APLF: variants seen among roughly 807,000 people sequenced by gnomAD.
APLF encodes the protein aprataxin and PNK-like factor.
Under a neutral mutation model 55.6 loss-of-function variants are expected in APLF, and 61 were observed. The ratio of observed to expected loss-of-function variants is 1.10; its 90% confidence interval spans 0.89 to 1.36. The LOEUF is 1.36. Among genes scored for constraint, APLF ranks in the 40% most tolerant of loss-of-function variants. The pLI is 0.00. For missense variants in APLF, 611 were observed against 602.5 expected (o/e 1.01, Z -0.15); for synonymous variants, 207 against 214.8 (o/e 0.96, Z 0.32).
intron 6 of APLF, among the ~76,000 whole-genome samples, chr2:68,533,542 T>C (rs1670314065): frequency 6.6e-6 from 1 of 152,078 alleles, no homozygotes; most frequent in African/African-American, 2.4e-5. Flanking sequence ...TTGGCTGGGG[T>C]CAGCTGGGCA....
intron 8 of APLF, among the ~76,000 whole-genome samples, chr2:68,565,425 A>G (rs560936524): frequency 1.1e-4 from 16 of 151,850 alleles, no homozygotes; most frequent in Non-Finnish European, 1.6e-4. Flanking sequence ...TGTGCCCTGC[A>G]CTCTAGCCTG....
chr2:68,516,321 G>A (rs1669576869), intron 5 of APLF, among the ~76,000 whole-genome samples: 2 of 151,432 alleles, frequency 1.3e-5, no homozygotes, highest in Non-Finnish European at 3.0e-5. Context: ...GATCTCTCCT[G>A]GATCATCTCT....
chr2:68,568,765 AT>A (rs1185622185), intron 9 of APLF, among the ~76,000 whole-genome samples: 16 of 152,248 alleles, frequency 1.1e-4, no homozygotes, highest in Admixed American at 2.6e-4. Flanking sequence ...TTATTGAAGT[AT>A]TTTTTGAATG....
chr2:68,553,234 G>C (rs1235619321), intron 8 of APLF, among the ~76,000 whole-genome samples: 1 of 152,000 alleles, frequency 6.6e-6, no homozygotes, highest in Non-Finnish European at 1.5e-5. Flanking sequence ...AGTTTTCAAA[G>C]TACCTCTAGA....
chr2:68,559,434 C>T (rs1429832348), intron 8 of APLF, among the ~76,000 whole-genome samples: 1 of 152,116 alleles, frequency 6.6e-6, no homozygotes, highest in African/African-American at 2.4e-5. Flanking sequence ...TGTTTAAGTG[C>T]CTCCACTTTG....
At chr2:68,468,076 G>A (rs1233698432) in intron 1 of APLF, among the ~76,000 whole-genome samples, 1 of 152,172 alleles carries the variant, frequency 6.6e-6, no homozygotes, top group Non-Finnish European at 1.5e-5. Flanking sequence ...TAGTGCCTGG[G>A]GGCCAAATCC....
intron 1 of APLF, among the ~76,000 whole-genome samples, chr2:68,488,281 G>A (rs1676247760): frequency 6.6e-6 from 1 of 150,502 alleles, no homozygotes; most frequent in Admixed American, 6.6e-5. Flanking sequence ...ACTTTTGAAT[G>A]ATTACATGTA....
intron 8 of APLF, among the ~76,000 whole-genome samples, chr2:68,565,044 T>C (rs895751856): frequency 1.3e-5 from 2 of 152,024 alleles, no homozygotes; most frequent in Admixed American, 1.3e-4. Flanking sequence ...TCACATACAG[T>C]TAGTGGTTTT....
intron 2 of APLF, among the ~76,000 whole-genome samples, chr2:68,499,000 T>A (rs992029517): frequency 1.3e-5 from 2 of 151,336 alleles, no homozygotes; most frequent in African/African-American, 4.9e-5. Flanking sequence ...TAGCCTTTCC[T>A]CAACTTATTT....
chr2:68,527,903 C>T lies in APLF; in HGVS notation c.804+1661C>T, dbSNP rs1328304636. Among the ~76,000 whole-genome samples, 4 of 140,586 alleles carry T rather than the reference C, an allele frequency of 2.8e-5. 1 individual carries two copies. The South Asian group carries it at 9.2e-4, about 32-fold the overall frequency. The allele number at this position is 140,586 out of a possible 152,430, so 92.2% of individuals were successfully genotyped here. ...GCTTCTCACTTCCCAGACAGGGTGG[C>T]GGCCTTTCAGAGGCACTCCTCACTG... On this transcript the variant is annotated intron_variant, in intron 6 of 9. Transcript: ENST00000303795.
At chr2:68,485,839 T>C (rs1177871881) in intron 1 of APLF, among the ~76,000 whole-genome samples, 1 of 147,174 alleles carries the variant, frequency 6.8e-6, no homozygotes, top group East Asian at 2.0e-4. Context: ...AGACAGGGTC[T>C]CACCCTGTCG....
At chr2:68,564,068 G>A (rs1216316893) in intron 8 of APLF, among the ~76,000 whole-genome samples, 1 of 151,878 alleles carries the variant, frequency 6.6e-6, no homozygotes, top group East Asian at 1.9e-4. Context: ...AATATCTTTG[G>A]TATTAATGTT....
At chr2:68,503,023 TGTG>T (rs1474901827) in intron 3 of APLF, 120 bp downstream of exon 3, 3 of 1,069,406 alleles carry the variant, frequency 2.8e-6, no homozygotes, top group South Asian at 3.1e-5. Flanking sequence ...AGGTGTGTAA[TGTG>T]TGTGTACGCA....
At chr2:68,503,086 T>C (rs994546919) in intron 3 of APLF, among the ~76,000 whole-genome samples, 183 bp downstream of exon 3, 3 of 152,136 alleles carry the variant, frequency 2.0e-5, no homozygotes, top group African/African-American at 7.2e-5. Context: ...CACATGCATG[T>C]GTGTATCTGT....
intron 9 of APLF, chr2:68,568,295 C>G: frequency 1.0e-6 from 1 of 985,324 alleles, no homozygotes; most frequent in Non-Finnish European, 1.2e-6. Context: ...TGCATACTAT[C>G]CAGGCTGCAC....
intron 2 of APLF, among the ~76,000 whole-genome samples, chr2:68,499,642 C>A (rs1284835836): frequency 5.3e-5 from 8 of 152,096 alleles, no homozygotes; most frequent in African/African-American, 1.7e-4. Flanking sequence ...AGTTTGAGAC[C>A]AGCCTGGCCA....
At position 68,578,008 on chromosome 2, in the gene APLF, A is replaced by G. The variant is rs899183476; in HGVS notation, c.1522A>G (p.Met508Val). The change falls in exon 10 of 10, where the codon ATG becomes GTG. Residue 508 changes from methionine (M) to valine (V), a missense_variant. Coordinates refer to ENST00000303795, the MANE Select transcript of APLF (RefSeq NM_173545.3). The part of the protein sequence containing the change: ...EELLKEAKRF[M>V]KRK Reference sequence around the variant, plus strand: ...GCTTTTGAAAGAAGCAAAAAGGTTTATGAAAAGAAAATAGTAACTAACTTC... The same window carrying G: ...GCTTTTGAAAGAAGCAAAAAGGTTTGTGAAAAGAAAATAGTAACTAACTTC... The G allele has an allele frequency of 6.2e-7, 1 of 1,612,326 alleles. No individual in the cohort carries two copies. The highest frequency in any genetic ancestry group is 1.3e-5 in the African/African-American group (1 of 74,826).
In APLF at chr2:68,567,339, A is replaced by G. The variant is rs146949731; in HGVS notation, c.1287-2A>G. ...GCTCTTATTTTTGCATTCTTCTTTCAGGAAGAATCCCCAGCACAAGATAGA... is the reference window on the plus strand; with the variant it reads ...GCTCTTATTTTTGCATTCTTCTTTCGGGAAGAATCCCCAGCACAAGATAGA... On this transcript the variant is annotated splice_acceptor_variant, in intron 8 of 9. Coordinates refer to ENST00000303795, the MANE Select transcript of APLF (RefSeq NM_173545.3). LOFTEE classifies it high-confidence loss of function. 4.5e-4 allele frequency: 728 copies of G among 1,605,554 alleles called. 5 individuals carry two copies. Among genetic ancestry groups the G allele is most frequent in the South Asian group, 1.4e-3 (124 of 89,812 alleles).
At chr2:68,570,498 G>C (rs1196026180) in intron 9 of APLF, among the ~76,000 whole-genome samples, 1 of 147,596 alleles carries the variant, frequency 6.8e-6, no homozygotes, top group African/African-American at 2.5e-5. Context: ...CCATGTCCAA[G>C]TGTTCTCATT....
Sources: allele counts gnomAD v4.1 joint callset (sites outside exome capture counted in the v4.1 genomes callset), GRCh38; gene constraint gnomAD v4.1.1; transcripts MANE v1.5; gene names NCBI Gene and HGNC (gene_info 2026-07-23, HGNC 2026-07-21).